The following ITPR2 variants were observed in gnomAD, a reference collection of about 807,000 sequenced individuals.
ITPR2 encodes inositol 1,4,5-trisphosphate-gated calcium channel ITPR2.
Under a neutral mutation model 317.1 loss-of-function variants are expected in ITPR2, and 207 were observed. That is an observed-to-expected ratio of 0.65 (90% CI 0.58 to 0.73). The LOEUF is 0.73. Among genes scored for constraint, ITPR2 ranks in the 30% least tolerant of loss-of-function variants. ITPR2 has a pLI of 0.00. For missense variants in ITPR2, 2,613 were observed against 3,284.0 expected (o/e 0.80, Z 4.99); for synonymous variants, 1,156 against 1,149.1 (o/e 1.01, Z -0.12).
At chr12:26,584,850 C>T (rs1159191823) in intron 32 of ITPR2, among the ~76,000 whole-genome samples, 1 of 152,222 alleles carries the variant, frequency 6.6e-6, no homozygotes, top group East Asian at 1.9e-4. Flanking sequence ...CCTAAGATCA[C>T]TTTAGTATTT....
chr12:26,420,862 G>A (rs989688750), intron 49 of ITPR2, among the ~76,000 whole-genome samples: 20 of 151,992 alleles, frequency 1.3e-4, no homozygotes, highest in Admixed American at 3.3e-4. Context: ...AGAGTGTCCA[G>A]AAGTCATATT....
intron 55 of ITPR2, among the ~76,000 whole-genome samples, chr12:26,366,488 T>C (rs937385892): frequency 1.3e-5 from 2 of 152,158 alleles, no homozygotes; most frequent in African/African-American, 2.4e-5. Context: ...TAAAATACAT[T>C]TTCTTTTTGT....
chr12:26,500,485 T>C (rs1943045679), intron 37 of ITPR2, among the ~76,000 whole-genome samples: 1 of 152,220 alleles, frequency 6.6e-6, no homozygotes, highest in Non-Finnish European at 1.5e-5. Context: ...GAATGTCCTT[T>C]ACAGCCTTTT....
At chr12:26,364,363 G>A (rs187075051) in intron 55 of ITPR2, among the ~76,000 whole-genome samples, 1 of 152,286 alleles carries the variant, frequency 6.6e-6, no homozygotes, top group African/African-American at 2.4e-5. Flanking sequence ...TGGGATATGG[G>A]CCTAAAATAA....
chr12:26,776,280 G>T (rs903348435), intron 2 of ITPR2, among the ~76,000 whole-genome samples: 2 of 152,074 alleles, frequency 1.3e-5, no homozygotes, highest in Non-Finnish European at 2.9e-5. Context: ...GGAGAACCAA[G>T]GAACCTAATG....
Position 26,833,139 on chromosome 12 carries a change from G to A in ITPR2, c.-358C>T. On this transcript the variant is annotated 5_prime_UTR_variant, in exon 1 of 57. Coordinates refer to ENST00000381340, the MANE Select transcript of ITPR2 (RefSeq NM_002223.4). Reference sequence around the variant, plus strand: ...CTTCCCTCTCCGCTCCCCACTCCGTGTCCACTCCCTGCTCTGCGACCCGCT... The same window carrying A: ...CTTCCCTCTCCGCTCCCCACTCCGTATCCACTCCCTGCTCTGCGACCCGCT... 8.0e-6 allele frequency: 2 copies of A among 249,350 alleles called. No homozygotes were observed. The highest frequency in any genetic ancestry group is 9.7e-5 in the South Asian group (2 of 20,698). 15.4% of individuals were successfully genotyped at this position (249,350 alleles called of 1,614,324 possible). A position where few individuals can be genotyped will look rare whatever the true frequency, so the allele number is the denominator to read the frequency against.
chr12:26,446,221 C>A (rs1001770640), intron 45 of ITPR2, among the ~76,000 whole-genome samples: 1 of 152,006 alleles, frequency 6.6e-6, no homozygotes, highest in Non-Finnish European at 1.5e-5. Context: ...TGCCAGGAAG[C>A]CTTAAGGGTC....
At chr12:26,358,666 T>G (rs1332261171) in intron 55 of ITPR2, among the ~76,000 whole-genome samples, 1 of 151,800 alleles carries the variant, frequency 6.6e-6, no homozygotes, top group East Asian at 1.9e-4. Flanking sequence ...TGGGCACATC[T>G]CAGAACAAAA....
intron 55 of ITPR2, among the ~76,000 whole-genome samples, chr12:26,350,161 C>T (rs1465468879): frequency 6.6e-6 from 1 of 152,084 alleles, no homozygotes; most frequent in Non-Finnish European, 1.5e-5. Context: ...GGCTTCCTGA[C>T]TTTAGGGAGG....
intron 37 of ITPR2, among the ~76,000 whole-genome samples, chr12:26,537,180 G>A (rs1944119360): frequency 6.6e-6 from 1 of 152,134 alleles, no homozygotes; most frequent in African/African-American, 2.4e-5. Context: ...TGATAGGAAG[G>A]GTTTGGTCTG....
intron 37 of ITPR2, among the ~76,000 whole-genome samples, chr12:26,513,049 G>T (rs1316728307): frequency 6.6e-6 from 1 of 151,938 alleles, no homozygotes; most frequent in Non-Finnish European, 1.5e-5. Flanking sequence ...CACCATCTTG[G>T]CCAGGCTGAT....
chr12:26,344,070 C>T lies in ITPR2; in HGVS notation c.7858-3742G>A, dbSNP rs1428509197. On this transcript the variant is annotated intron_variant, in intron 55 of 56. Transcript: ENST00000381340. ...AAAGGGCAAGTTTGGTCCTTTCTTGCTCTCTCTCACCCTCTCACTTTCCAT... is the reference window on the plus strand; with the variant it reads ...AAAGGGCAAGTTTGGTCCTTTCTTGTTCTCTCTCACCCTCTCACTTTCCAT... 2.0e-5 allele frequency among the ~76,000 whole-genome samples: 3 copies of T among 152,128 alleles called. No individual in the cohort carries two copies. In the East Asian group the frequency reaches 5.8e-4, roughly 29 times the overall value.
intron 14 of ITPR2, among the ~76,000 whole-genome samples, chr12:26,664,609 TAGAA>T (rs1301094370): frequency 6.6e-6 from 1 of 152,150 alleles, no homozygotes; most frequent in African/African-American, 2.4e-5. Context: ...GAAAACAAAA[TAGAA>T]AGGAATTATT....
intron 1 of ITPR2, among the ~76,000 whole-genome samples, chr12:26,809,040 T>C (rs774186117): frequency 1.3e-4 from 20 of 152,322 alleles, no homozygotes; most frequent in Admixed American, 7.8e-4. Flanking sequence ...ACTTTCTGAT[T>C]CCTTTTGAAG....
chr12:26,797,558 G>A (rs1173432434), intron 1 of ITPR2, among the ~76,000 whole-genome samples: 3 of 151,946 alleles, frequency 2.0e-5, no homozygotes, highest in Non-Finnish European at 4.4e-5. Flanking sequence ...GCTCTGAAAT[G>A]CATTTAAATA....
chr12:26,638,962 A>C (rs901472528), intron 21 of ITPR2, among the ~76,000 whole-genome samples: 2 of 152,232 alleles, frequency 1.3e-5, no homozygotes, highest in African/African-American at 4.8e-5. Flanking sequence ...GTAGGAATCA[A>C]TACTATGTCA....
At chr12:26,734,862 T>C (rs1949089769) in intron 2 of ITPR2, among the ~76,000 whole-genome samples, 1 of 152,138 alleles carries the variant, frequency 6.6e-6, no homozygotes. Flanking sequence ...TTATTACATA[T>C]TTATACTCCA....
chr12:26,744,211 C>G (rs1032404113), intron 2 of ITPR2, among the ~76,000 whole-genome samples: 1 of 152,234 alleles, frequency 6.6e-6, no homozygotes, highest in African/African-American at 2.4e-5. Context: ...CCACAAGGCC[C>G]TATATGAGCT....
At chr12:26,589,971 A>AAC in intron 32 of ITPR2, among the ~76,000 whole-genome samples, 1 of 151,188 alleles carries the variant, frequency 6.6e-6, no homozygotes, top group Non-Finnish European at 1.5e-5. Flanking sequence ...TGAATGTCAT[A>AAC]CCTTTCAACA....
Sources: allele counts gnomAD v4.1 joint callset (sites outside exome capture counted in the v4.1 genomes callset), GRCh38; gene constraint gnomAD v4.1.1; transcripts MANE v1.5; gene names NCBI Gene and HGNC (gene_info 2026-07-23, HGNC 2026-07-21).